Variants in ASTN2 observed in about 807,000 individuals in gnomAD.
ASTN2 encodes the protein astrotactin 2.
In ASTN2, 54 loss-of-function variants were observed where a neutral mutation model predicts 139.8. That is an observed-to-expected ratio of 0.39 (90% CI 0.31 to 0.48). The LOEUF (loss-of-function observed/expected upper bound fraction) is 0.48, where lower values mean the gene tolerates loss of function less well. Ranked by LOEUF, ASTN2 falls within the 20% of genes least tolerant of loss-of-function variation. The probability of loss-of-function intolerance (pLI) is 0.95; values close to 1 mark genes in which losing one functional copy is unlikely to be tolerated. For synonymous variants in ASTN2, 756 were observed against 719.5 expected (o/e 1.05, Z -0.81); for missense variants, 1,565 against 1,725.1 (o/e 0.91, Z 1.64).
At chr9:116,485,687 G>A (rs1849315853) in intron 20 of ASTN2, among the ~76,000 whole-genome samples, 3 of 152,216 alleles carry the variant, frequency 2.0e-5, no homozygotes, top group Admixed American at 6.5e-5. Context: ...ACTGGAAGAC[G>A]TGGAATTGCA....
At chr9:116,780,482 A>T (rs1830189598) in intron 13 of ASTN2, among the ~76,000 whole-genome samples, 1 of 152,190 alleles carries the variant, frequency 6.6e-6, no homozygotes, top group Admixed American at 6.5e-5. Context: ...TCTGGGGAAC[A>T]GTGTGGGAGC....
chr9:117,251,315 C>T (rs181651609), intron 2 of ASTN2, among the ~76,000 whole-genome samples: 60 of 150,810 alleles, frequency 4.0e-4, no homozygotes, highest in South Asian at 3.6e-3. Context: ...ATGCTTTGTG[C>T]GACACCCTTT....
chr9:116,772,767 G>T (rs1829987200), intron 13 of ASTN2, among the ~76,000 whole-genome samples: 2 of 152,094 alleles, frequency 1.3e-5, no homozygotes, highest in South Asian at 4.1e-4. Flanking sequence ...TGTAATTTGG[G>T]CCAGCAGTCT....
intron 10 of ASTN2, among the ~76,000 whole-genome samples, chr9:116,938,223 G>A (rs1199407810): frequency 3.4e-5 from 5 of 148,148 alleles, no homozygotes; most frequent in Admixed American, 1.4e-4. Flanking sequence ...TATGCATGCC[G>A]CCTCATGTCA....
intron 4 of ASTN2, among the ~76,000 whole-genome samples, chr9:117,120,018 G>GTGTATGTATATATATATATATATATATA (rs1306397698): frequency 1.5e-4 from 7 of 46,000 alleles, no homozygotes; most frequent in Non-Finnish European, 2.7e-4. Flanking sequence ...GTGTGTGTGT[G>GTGTATGTATATATATATATATATATATA]TATATATATA....
chr9:116,790,910 A>G (rs554835541), intron 13 of ASTN2, among the ~76,000 whole-genome samples: 1 of 139,222 alleles, frequency 7.2e-6, no homozygotes, highest in East Asian at 2.0e-4. Context: ...AAAGAAAGAA[A>G]GAGAAAGAAA....
rs779213053 is a variant in ASTN2 at position 116,976,187 on chromosome 9, G to T, written c.1678C>A (p.Pro560Thr). 1.2e-5 allele frequency: 20 copies of T among 1,613,958 alleles called. No individual in the cohort carries two copies. The highest frequency in any genetic ancestry group is 1.7e-5 in the Non-Finnish European group (20 of 1,179,852). ...VRSDWGQSEGPWPYTTLERGY... is the reference protein window; with the variant it reads ...VRSDWGQSEGTWPYTTLERGY... Reference sequence around the variant, plus strand: ...CTCTCAAGTGTCGTGTAGGGCCAAGGTCTATGGGAAGAAGGAGAGGGGAGA... The same window carrying T: ...CTCTCAAGTGTCGTGTAGGGCCAAGTTCTATGGGAAGAAGGAGAGGGGAGA... The change falls in exon 9 of 23, where the codon CCT becomes ACT. Residue 560 changes from proline to threonine, a missense_variant and splice_region_variant. Physicochemically the swap from Pro to Thr is conservative, Grantham distance 38. Around this residue, in one of 4 missense-constraint regions of ASTN2, gnomAD observed 503 missense variants for 591.7 expected, o/e 0.85. Coordinates refer to ENST00000313400, the MANE Select transcript of ASTN2 (RefSeq NM_001365068.1).
intron 22 of ASTN2, among the ~76,000 whole-genome samples, chr9:116,426,945 G>T (rs997741131): frequency 6.6e-6 from 1 of 152,146 alleles, no homozygotes; most frequent in Non-Finnish European, 1.5e-5. Context: ...TCAGGATCAA[G>T]GTTATGCTGA....
At chr9:117,203,931 C>A (rs967773976) in intron 3 of ASTN2, among the ~76,000 whole-genome samples, 1 of 152,106 alleles carries the variant, frequency 6.6e-6, no homozygotes, top group Non-Finnish European at 1.5e-5. Context: ...CTGGGCTGCC[C>A]GGATTCATCA....
intron 1 of ASTN2, among the ~76,000 whole-genome samples, chr9:117,387,939 T>C (rs1275580440): frequency 1.3e-5 from 2 of 152,152 alleles, no homozygotes; most frequent in Non-Finnish European, 2.9e-5. Context: ...AAAGGGGCCC[T>C]GGAGATCATA....
intron 5 of ASTN2, among the ~76,000 whole-genome samples, chr9:117,049,938 T>A (rs1009864815): frequency 2.0e-5 from 3 of 152,092 alleles, no homozygotes; most frequent in African/African-American, 7.2e-5. Context: ...TTCAAAGATC[T>A]AAAGCTCTAG....
chr9:116,435,662 G>A (rs753359328), intron 22 of ASTN2, among the ~76,000 whole-genome samples: 1 of 152,136 alleles, frequency 6.6e-6, no homozygotes, highest in Non-Finnish European at 1.5e-5. Context: ...CCACCTGGAG[G>A]ACCCTTCTTC....
chr9:116,897,925 G>A (rs916701231), intron 10 of ASTN2, among the ~76,000 whole-genome samples: 2 of 152,022 alleles, frequency 1.3e-5, no homozygotes, highest in Non-Finnish European at 2.9e-5. Flanking sequence ...TTTGGGCAGG[G>A]AGAGCTGGGA....
chr9:116,633,093 A>T (rs148398058), intron 17 of ASTN2, among the ~76,000 whole-genome samples: 173 of 152,346 alleles, frequency 1.1e-3, no homozygotes, highest in African/African-American at 4.1e-3. Flanking sequence ...ACATTGTTCT[A>T]AACTATCTCC....
At chr9:116,686,941 T>C in intron 16 of ASTN2, 2 of 1,483,710 alleles carry the variant, frequency 1.3e-6, no homozygotes, top group Non-Finnish European at 1.8e-6. Context: ...ATTTCTCAGA[T>C]GGAAAAACAG....
intron 11 of ASTN2, among the ~76,000 whole-genome samples, chr9:116,851,653 C>T (rs1264863742): frequency 1.3e-5 from 2 of 151,976 alleles, no homozygotes; most frequent in South Asian, 4.2e-4. Context: ...CTTGTATGTG[C>T]ATATAATAAT....
intron 6 of ASTN2, among the ~76,000 whole-genome samples, chr9:117,026,748 A>G (rs1838097570): frequency 6.6e-6 from 1 of 152,170 alleles, no homozygotes; most frequent in South Asian, 2.1e-4. Flanking sequence ...CTGATTGTGT[A>G]CTGGGGATTA....
chr9:116,512,450 A>G (rs1850435491), intron 19 of ASTN2, among the ~76,000 whole-genome samples: 1 of 152,110 alleles, frequency 6.6e-6, no homozygotes, highest in Admixed American at 6.6e-5. Flanking sequence ...AATAAGTGCG[A>G]TGTGGTGCTG....
chr9:117,372,313 G>A (rs1217858637), intron 1 of ASTN2, among the ~76,000 whole-genome samples: 1 of 152,120 alleles, frequency 6.6e-6, no homozygotes, highest in Admixed American at 6.6e-5. Context: ...GAAGGAAGAA[G>A]GAGCCTAAGT....
Sources: gnomAD v4.1 joint callset for allele counts (sites outside exome capture counted in the v4.1 genomes callset) on GRCh38, gnomAD v4.1.1 for gene constraint, gnomAD v4.1.1 regional missense constraint, MANE v1.5 for transcripts, NCBI Gene and HGNC (gene_info 2026-07-23, HGNC 2026-07-21) for gene names.